CDC45: variants seen among roughly 807,000 people sequenced by gnomAD.
The protein encoded by CDC45 is cell division control protein 45 homolog.
A neutral mutation model predicts 77.8 loss-of-function variants in CDC45; 54 were observed. That is an observed-to-expected ratio of 0.69 (90% CI 0.56 to 0.87). The LOEUF is 0.87. Among genes scored for constraint, CDC45 ranks in the 40% least tolerant of loss-of-function variants. CDC45 has a pLI of 0.00. For synonymous variants in CDC45, 260 were observed against 272.1 expected (o/e 0.96, Z 0.44); for missense variants, 649 against 721.6 (o/e 0.90, Z 1.15).
At chr22:19,494,443 T>C (rs1217790450) in intron 6 of CDC45, 61 bp downstream of exon 6, 2 of 1,599,300 alleles carry the variant, frequency 1.3e-6, no homozygotes, top group Non-Finnish European at 1.7e-6. Flanking sequence ...GGGTCTGTGG[T>C]GCCACCCATA....
At chr22:19,489,846 T>C (rs1189254872) in intron 5 of CDC45, among the ~76,000 whole-genome samples, 1 of 152,242 alleles carries the variant, frequency 6.6e-6, no homozygotes, top group Non-Finnish European at 1.5e-5. Context: ...CTTTTCTGGC[T>C]AGTAATACTT....
chr22:19,507,296 C>A, intron 10 of CDC45, 90 bp from the exon 11 acceptor site: 4 of 1,490,530 alleles, frequency 2.7e-6, no homozygotes, highest in South Asian at 2.4e-5. Flanking sequence ...TGAGAAAGGG[C>A]CCCGCCATCA....
At chr22:19,482,310 C>T (rs1472102209) in intron 3 of CDC45, among the ~76,000 whole-genome samples, 1 of 152,236 alleles carries the variant, frequency 6.6e-6, no homozygotes, top group Admixed American at 6.5e-5. Context: ...AAAGTATTTG[C>T]TAAAAACTTA....
chr22:19,518,428 C>T (rs1359596988), intron 17 of CDC45, among the ~76,000 whole-genome samples: 1 of 152,218 alleles, frequency 6.6e-6, no homozygotes, highest in Non-Finnish European at 1.5e-5. Flanking sequence ...ACCATGTCCC[C>T]TTGTGCGGAA....
intron 9 of CDC45, among the ~76,000 whole-genome samples, chr22:19,500,496 A>G (rs989034030): frequency 1.3e-5 from 2 of 152,064 alleles, no homozygotes; most frequent in African/African-American, 4.8e-5. Context: ...TAGTTCCCCT[A>G]ACTGCTCCAT....
intron 17 of CDC45, among the ~76,000 whole-genome samples, chr22:19,517,141 C>T (rs1933844417): frequency 6.6e-6 from 1 of 152,268 alleles, no homozygotes. Context: ...AGCGGCCTTA[C>T]AGCCAGTGCT....
intron 11 of CDC45, 101 bp from the exon 12 acceptor site, chr22:19,507,665 G>T: frequency 7.4e-7 from 1 of 1,343,464 alleles, no homozygotes; most frequent in Non-Finnish European, 1.0e-6. Context: ...TCTTCTGAAT[G>T]CTGGTGCGGG....
chr22:19,518,740 C>A, intron 17 of CDC45, 104 bp from the exon 18 acceptor site: 1 of 871,080 alleles, frequency 1.1e-6, no homozygotes, highest in Non-Finnish European at 2.0e-6. Context: ...AGGAGCCGCG[C>A]ACTTTGGAAT....
Position 19,483,839 on chromosome 22 carries a change from A to C in CDC45, c.343-23A>C, listed in dbSNP as rs1486766107. ...TTTCCGTAGAAAGAGGAGAGGCTTA[A>C]TTCCTTTTTGTTTTGAACTTAGATC... On this transcript the variant is annotated intron_variant, in intron 4 of 18. Coordinates refer to ENST00000263201, the MANE Select transcript of CDC45 (RefSeq NM_003504.5). 3 of 1,607,112 alleles carry C rather than the reference A, an allele frequency of 1.9e-6. No individual in the cohort carries two copies. The African/African-American group carries it at 4.0e-5, about 22-fold the overall frequency.
chr22:19,514,165 G>A (rs13447272), intron 13 of CDC45, among the ~76,000 whole-genome samples: 8,010 of 152,212 alleles, frequency 0.053, 698 homozygotes, highest in African/African-American at 0.18. Context: ...CAAATGGTCT[G>A]ATGTCTTTCA....
At chr22:19,494,652 A>G (rs1162090519) in intron 6 of CDC45, 8 of 1,220,358 alleles carry the variant, frequency 6.6e-6, no homozygotes, top group Non-Finnish European at 9.3e-6. Flanking sequence ...ATTTTTATCA[A>G]GTTTTTCCAA....
At position 19,480,992 on chromosome 22, in the gene CDC45, C is replaced by T; in HGVS notation, c.151C>T (p.Pro51Ser). 6.2e-7 allele frequency: 1 copy of T among 1,613,602 alleles called. No individual in the cohort carries two copies. The highest frequency in any genetic ancestry group is 1.7e-4 in the Middle Eastern group (1 of 6,058). Residue 51 changes from proline (P) to serine (S), a missense_variant, in exon 3 of 19, where the codon CCA (proline) becomes TCA (serine). Transcript: ENST00000263201. ...QCDHVQYTLV[P>S]VSGWQELETA... ...TGACCACGTGCAATATACGCTGGTTCCAGTTTCTGGGTGGCAAGAACTTGA... is the reference window on the plus strand; with the variant it reads ...TGACCACGTGCAATATACGCTGGTTTCAGTTTCTGGGTGGCAAGAACTTGA...
At chr22:19,518,784 T>C (rs1362202173) in intron 17 of CDC45, 60 bp from the exon 18 acceptor site, 2 of 1,384,452 alleles carry the variant, frequency 1.4e-6, no homozygotes, top group East Asian at 4.6e-5. Context: ...GGGAGTTCTG[T>C]GCCCTGTCTT....
At position 19,516,581 on chromosome 22, in the gene CDC45, A is replaced by G. The variant is rs2146445603; in HGVS notation, c.1495A>G (p.Met499Val). The G allele has an allele frequency of 1.9e-6, 3 of 1,613,968 alleles. No individual in the cohort carries two copies. Among genetic ancestry groups the G allele is most frequent in the Non-Finnish European group, 8.5e-7 (1 of 1,179,968 alleles). The change falls in exon 16 of 19, where the codon ATG becomes GTG. Residue 499 changes from methionine to valine, a missense_variant. Physicochemically the swap from Met to Val is conservative, Grantham distance 21. Transcript: ENST00000263201. Reference sequence around the variant, plus strand: ...CCTGGTGATGGCTGCCCCCCTGAGCATGGAGCATGGCACAGTGACCGTGGT... The same window carrying G: ...CCTGGTGATGGCTGCCCCCCTGAGCGTGGAGCATGGCACAGTGACCGTGGT... ...LPLVMAAPLSMEHGTVTVVGI... is the reference protein window; with the variant it reads ...LPLVMAAPLSVEHGTVTVVGI...
rs1555874584 is a variant in CDC45, at chr22:19,493,236, T to TG, written c.487-1091_487-1090insG. Among the ~76,000 whole-genome samples the TG allele has an allele frequency of 7.9e-3, 916 of 116,530 alleles. 2 individuals carry two copies. Among genetic ancestry groups the TG allele is most frequent in the Middle Eastern group, 0.026 (6 of 232 alleles). The allele number at this position is 116,530 out of a possible 152,430, so 76.4% of individuals were successfully genotyped here. A position where few individuals can be genotyped will look rare whatever the true frequency, so the allele number is the denominator to read the frequency against. On this transcript the variant is annotated intron_variant, in intron 5 of 18. Coordinates refer to ENST00000263201, the MANE Select transcript of CDC45 (RefSeq NM_003504.5). The stretch of plus-strand genomic sequence containing the variant: ...AGAGCAGCTTTTGTGGGTTTTTTTT[T>TG]TTGTTGTTTTGTTTTGTTTTGTTTT...
chr22:19,486,909 C>T (rs1230377895), intron 5 of CDC45, among the ~76,000 whole-genome samples: 2 of 152,136 alleles, frequency 1.3e-5, no homozygotes, highest in Non-Finnish European at 2.9e-5. Context: ...ATCTCCTGAC[C>T]TCATGATCCT....
At chr22:19,504,276 C>T (rs895554840) in intron 9 of CDC45, among the ~76,000 whole-genome samples, 17 of 152,094 alleles carry the variant, frequency 1.1e-4, no homozygotes, top group Non-Finnish European at 2.1e-4. Flanking sequence ...TTGAGGAGTT[C>T]TGGGCTGGGC....
chr22:19,507,220 T>G (rs1353764501), intron 10 of CDC45, among the ~76,000 whole-genome samples, 166 bp from the exon 11 acceptor site: 5 of 152,246 alleles, frequency 3.3e-5, no homozygotes, highest in African/African-American at 1.2e-4. Context: ...ATGGGTCAGC[T>G]TAAGCTAAGA....
intron 5 of CDC45, among the ~76,000 whole-genome samples, chr22:19,484,999 C>G (rs1233136968): frequency 6.6e-6 from 1 of 151,774 alleles, no homozygotes; most frequent in East Asian, 1.9e-4. Flanking sequence ...CCTCAAACTT[C>G]GGGCTCACTC....
Sources: allele counts gnomAD v4.1 joint callset (sites outside exome capture counted in the v4.1 genomes callset), GRCh38; gene constraint gnomAD v4.1.1; transcripts MANE v1.5; gene names NCBI Gene and HGNC (gene_info 2026-07-23, HGNC 2026-07-21).